The following SPEN variants were observed in gnomAD, a reference collection of about 807,000 sequenced individuals.
SPEN encodes msx2-interacting protein.
Under a neutral mutation model 269.9 loss-of-function variants are expected in SPEN, and 18 were observed. That is an observed-to-expected ratio of 0.07 (90% CI 0.05 to 0.10). SPEN has a LOEUF of 0.10. Among genes scored for constraint, SPEN ranks in the 10% least tolerant of loss-of-function variants. The pLI is 1.00. For missense variants in SPEN, 3,822 were observed against 4,631.2 expected (o/e 0.83, Z 5.07); for synonymous variants, 1,726 against 1,765.7 (o/e 0.98, Z 0.56).
intron 2 of SPEN, chr1:15,874,375 G>C (rs753096000): frequency 7.3e-7 from 1 of 1,365,170 alleles, no homozygotes; most frequent in Non-Finnish European, 9.8e-7. Context: ...ATTATAGGTC[G>C]TGTTTCCACA....
At chr1:15,869,295 T>C (rs1002194125) in intron 1 of SPEN, among the ~76,000 whole-genome samples, 9 of 152,232 alleles carry the variant, frequency 5.9e-5, no homozygotes, top group Middle Eastern at 3.4e-3. Context: ...GACCTGGTCA[T>C]CTGCCTGCCT....
rs141054169 is a variant in SPEN, at chr1:15,933,247, C to T, written c.7007C>T (p.Thr2336Ile). The change falls in exon 11 of 15, where the codon ACC becomes ATC. Residue 2336 changes from threonine to isoleucine, a missense_variant. Physicochemically the swap from Thr to Ile is moderately conservative, Grantham distance 89 (BLOSUM62 -1). This residue lies in a region of SPEN where 727 missense variants were observed against 737.9 expected (regional missense o/e 0.99). Coordinates refer to ENST00000375759, the MANE Select transcript of SPEN (RefSeq NM_015001.3). The surrounding 1 kb of genome is among the most constrained non-coding windows in gnomAD (Gnocchi z 5.7). ...VRKDKGRQKTTRSRRKRNTNK... is the reference protein window; with the variant it reads ...VRKDKGRQKTIRSRRKRNTNK... ...AAAGACAAAGGGCGCCAGAAAACAA[C>T]CCGATCACGCCGCAAGCGAAACACA... 2 of 1,614,044 alleles carry T rather than the reference C, an allele frequency of 1.2e-6. No homozygotes were observed. The highest frequency in any genetic ancestry group is 1.7e-5 in the Admixed American group (1 of 60,004).
In SPEN at chr1:15,919,524, G is replaced by A. The variant is rs1417898696; in HGVS notation, c.1635+7G>A. ...ATATGGGCCTGTGGTAAAGGTAGGCGGGAGGTTTTGGTATGTGGTTCAGAC... is the reference window on the plus strand; with the variant it reads ...ATATGGGCCTGTGGTAAAGGTAGGCAGGAGGTTTTGGTATGTGGTTCAGAC... On this transcript the variant is annotated splice_region_variant and intron_variant, in intron 8 of 14. Coordinates refer to ENST00000375759, the MANE Select transcript of SPEN (RefSeq NM_015001.3). The A allele has an allele frequency of 4.5e-6, 7 of 1,566,422 alleles. No homozygotes were observed. Among genetic ancestry groups the A allele is most frequent in the South Asian group, 1.2e-5 (1 of 84,752 alleles).
At position 15,939,507 on chromosome 1, in the gene SPEN, AAGAAGCTGCCGAAGGGGAC is replaced by A; in HGVS notation, c.*84_*102del. 1 of 1,446,546 alleles carries A rather than the reference AAGAAGCTGCCGAAGGGGAC, an allele frequency of 6.9e-7. No homozygotes were observed. The highest frequency in any genetic ancestry group is 2.5e-5 in the Admixed American group (1 of 39,808). 89.6% of individuals were successfully genotyped at this position (1,446,546 alleles called of 1,614,324 possible). On this transcript the variant is annotated 3_prime_UTR_variant, in exon 15 of 15. Transcript: ENST00000375759. This position sits in a 1 kb window ranked among gnomAD's most constrained non-coding sequence, Gnocchi z 4.1. ...AAAGGACAACCCAGCCAAGCAGAGG[AAGAAGCTGCCGAAGGGGAC>A]AGACTCCACTGCCAGACGGCCAGCC...
intron 4 of SPEN, among the ~76,000 whole-genome samples, chr1:15,910,331 A>AC (rs1204472142): frequency 1.3e-5 from 2 of 151,800 alleles, no homozygotes; most frequent in Non-Finnish European, 2.9e-5. Context: ...TTAACACAAG[A>AC]CCCCCAGATG....
chr1:15,904,812 A>G (rs946822919), intron 3 of SPEN, among the ~76,000 whole-genome samples: 3 of 152,058 alleles, frequency 2.0e-5, no homozygotes, highest in East Asian at 1.9e-4. Flanking sequence ...AATGTTTACA[A>G]TAAATCTGAT....
chr1:15,910,124 TAAAAAA>T (rs57198076), intron 4 of SPEN, among the ~76,000 whole-genome samples: 1 of 65,688 alleles, frequency 1.5e-5, no homozygotes, highest in African/African-American at 5.7e-5. Context: ...ACTCTGTCTC[TAAAAAA>T]AAAAAAAAAA....
intron 3 of SPEN, among the ~76,000 whole-genome samples, chr1:15,901,062 A>G (rs1276502089): frequency 6.6e-6 from 1 of 151,944 alleles, no homozygotes; most frequent in East Asian, 1.9e-4. Context: ...AAAAAAATAG[A>G]GGCTTGAGTC....
chr1:15,907,245 G>A (rs1212760618), intron 3 of SPEN, among the ~76,000 whole-genome samples: 1 of 152,152 alleles, frequency 6.6e-6, no homozygotes, highest in African/African-American at 2.4e-5. Flanking sequence ...ACATTGGGAG[G>A]CTGAGGTGGG....
At position 15,933,211 on chromosome 1, in the gene SPEN, C is replaced by T. The variant is rs1193109013; in HGVS notation, c.6971C>T (p.Thr2324Ile). 6.2e-7 allele frequency: 1 copy of T among 1,614,176 alleles called. No homozygotes were observed. The highest frequency in any genetic ancestry group is 1.1e-5 in the South Asian group (1 of 91,084). Residue 2324 changes from threonine (T) to isoleucine (I), a missense_variant, in exon 11 of 15, where the codon ACT (threonine) becomes ATT (isoleucine). This residue lies in a region of SPEN where 727 missense variants were observed against 737.9 expected (regional missense o/e 0.99). Transcript: ENST00000375759. The surrounding 1 kb of genome is among the most constrained non-coding windows in gnomAD (Gnocchi z 5.7). Reference protein sequence around the residue: ...EAKGSKEVEVTLVRKDKGRQK... With the variant: ...EAKGSKEVEVILVRKDKGRQK... ...AAAGGGTCTAAAGAAGTGGAAGTCA[C>T]TCTTGTTCGGAAAGACAAAGGGCGC...
intron 1 of SPEN, among the ~76,000 whole-genome samples, chr1:15,868,506 C>T (rs550403471): frequency 9.1e-4 from 137 of 150,908 alleles, no homozygotes; most frequent in African/African-American, 3.2e-3. Context: ...GCGATCTTGG[C>T]TCACTGCAAG....
intron 6 of SPEN, chr1:15,917,570 A>G (rs568948480): frequency 2.0e-5 from 3 of 152,144 alleles, no homozygotes; most frequent in Non-Finnish European, 2.9e-5. Flanking sequence ...TGTATTTTTT[A>G]GTAGAGGCGG....
In SPEN at chr1:15,928,877, T is replaced by A. The variant is rs773827987; in HGVS notation, c.2637T>A (p.Val879=). The change falls in exon 11 of 15, where the codon GTT becomes GTA. Residue 879 remains valine, a synonymous_variant. Transcript: ENST00000375759. This position sits in a 1 kb window ranked among gnomAD's most constrained non-coding sequence, Gnocchi z 5.7. ...GCCTGGAACTCATGCCTTGCGTGGT[T>A]TTGACTCGAGTGAAAGAGAAAGAGG... The part of the protein sequence containing the change: ...KNRLELMPCV[V]LTRVKEKEGK... 2.7e-5 allele frequency: 44 copies of A among 1,613,968 alleles called. No homozygotes were observed. The South Asian group carries it at 4.8e-4, about 18-fold the overall frequency.
chr1:15,917,054 G>C (rs2071073680), intron 6 of SPEN, among the ~76,000 whole-genome samples: 1 of 152,156 alleles, frequency 6.6e-6, no homozygotes, highest in Non-Finnish European at 1.5e-5. Context: ...CTTGAGCCCA[G>C]GAAGCAGAGG....
At chr1:15,854,907 A>G (rs1434603662) in intron 1 of SPEN, among the ~76,000 whole-genome samples, 2 of 152,200 alleles carry the variant, frequency 1.3e-5, no homozygotes, top group Admixed American at 6.5e-5. Flanking sequence ...TTCTCCCTAC[A>G]TGTATTCCTG....
Position 15,905,200 on chromosome 1 carries a change from A to G in SPEN, c.882-4121A>G, listed in dbSNP as rs968424158. On this transcript the variant is annotated intron_variant, in intron 3 of 14. Transcript: ENST00000375759. ...ACTGCGTCCAGCCATCTCCATTTTT[A>G]TTTTTATTTTTATTTTTATTTTATT... Among the ~76,000 whole-genome samples, 8 of 148,450 alleles carry G rather than the reference A, an allele frequency of 5.4e-5. No individual in the cohort carries two copies. In the East Asian group the frequency reaches 1.6e-3, roughly 29 times the overall value.
chr1:15,933,173 A>G lies in SPEN; in HGVS notation c.6933A>G (p.Ser2311=). Residue 2311 remains serine (S), a synonymous_variant, in exon 11 of 15, where the codon TCA becomes TCG. Transcript: ENST00000375759. The surrounding 1 kb of genome is among the most constrained non-coding windows in gnomAD (Gnocchi z 5.7). ...ARGNSSETSH[S]VPEAKGSKEV... ...GAAATAGCAGTGAAACCTCACACTC[A>G]GTGCCAGAAGCCAAAGGGTCTAAAG... 6.2e-7 allele frequency: 1 copy of G among 1,614,214 alleles called. No homozygotes were observed. The highest frequency in any genetic ancestry group is 8.5e-7 in the Non-Finnish European group (1 of 1,180,044).
intron 5 of SPEN, among the ~76,000 whole-genome samples, chr1:15,913,492 G>GT (rs1031655635): frequency 6.6e-6 from 1 of 152,016 alleles, no homozygotes; most frequent in African/African-American, 2.4e-5. Flanking sequence ...GTCTCACTCT[G>GT]TTGCCACCCA....
chr1:15,898,539 A>AT (rs1036488371), intron 3 of SPEN, among the ~76,000 whole-genome samples: 4 of 144,502 alleles, frequency 2.8e-5, no homozygotes, highest in African/African-American at 7.6e-5. Flanking sequence ...ATTTGTCAAA[A>AT]TTTTTTTTTT....
Sources: allele counts gnomAD v4.1 joint callset (sites outside exome capture counted in the v4.1 genomes callset), GRCh38; gene constraint gnomAD v4.1.1; regional missense constraint gnomAD v4.1.1; non-coding constraint Gnocchi (gnomAD v3.1); transcripts MANE v1.5; gene names NCBI Gene and HGNC (gene_info 2026-07-23, HGNC 2026-07-21).